The following CSMD1 variants were observed in gnomAD, a reference collection of about 807,000 sequenced individuals.
CSMD1 encodes CUB and Sushi multiple domains 1.
A neutral mutation model predicts 417.5 loss-of-function variants in CSMD1; 213 were observed. The observed-to-expected ratio is 0.51, with a 90% CI of 0.46 to 0.57. The LOEUF (loss-of-function observed/expected upper bound fraction) is 0.57. Among genes scored for constraint, CSMD1 ranks in the 20% least tolerant of loss-of-function variants. The pLI is 0.00. For missense variants in CSMD1, 6,923 were observed against 4,529.7 expected, an observed-to-expected ratio of 1.53 and a Z score of -15.17; for synonymous variants, 2,862 against 1,736.8, an observed-to-expected ratio of 1.65 and a Z score of -16.11.
intron 12 of CSMD1, among the ~76,000 whole-genome samples, chr8:3,421,775 C>A (rs530476296): frequency 1.3e-5 from 2 of 152,196 alleles, no homozygotes; most frequent in Non-Finnish European, 2.9e-5. Context: ...GTAGCTGGGA[C>A]TGCAGGTGCA....
At chr8:3,421,830 G>C (rs186542807) in intron 12 of CSMD1, among the ~76,000 whole-genome samples, 354 of 152,112 alleles carry the variant, frequency 2.3e-3, no homozygotes, top group African/African-American at 7.7e-3. Flanking sequence ...TACAGACAGG[G>C]TTTCACCATA....
At chr8:4,921,534 AT>A (rs1159812217) in intron 1 of CSMD1, among the ~76,000 whole-genome samples, 3 of 152,194 alleles carry the variant, frequency 2.0e-5, no homozygotes, top group Non-Finnish European at 4.4e-5. Context: ...AGTTGGTAAA[AT>A]GGCACTTTAA....
chr8:4,727,351 A>G lies in CSMD1; in HGVS notation c.86-89793T>C, dbSNP rs187896368. Among the ~76,000 whole-genome samples, 16 of 152,346 alleles carry G rather than the reference A, an allele frequency of 1.1e-4. No individual in the cohort carries two copies. The East Asian group carries it at 3.1e-3, about 29-fold the overall frequency. On this transcript the variant is annotated intron_variant, in intron 1 of 69. Coordinates refer to ENST00000635120, the MANE Select transcript of CSMD1 (RefSeq NM_033225.6). ...CCATGAACAAAGACCATGAAATAAA[A>G]TGTTCACAAAAACACTAATGCTCTC...
chr8:3,142,543 T>G lies in CSMD1; in HGVS notation c.6163A>C (p.Ser2055Arg), dbSNP rs1383997359. 3 of 1,614,012 alleles carry G rather than the reference T, an allele frequency of 1.9e-6. No homozygotes were observed. Among genetic ancestry groups the G allele is most frequent in the Non-Finnish European group, 2.5e-6 (3 of 1,179,910 alleles). Residue 2055 changes from serine to arginine, a missense_variant, in exon 41 of 70, where the codon AGC (serine) becomes CGC (arginine). Ser to Arg is a moderately radical substitution (Grantham distance 110, BLOSUM62 -1). Coordinates refer to ENST00000635120, the MANE Select transcript of CSMD1 (RefSeq NM_033225.6). ...TGGATGAGGGTTTCATGCGTTGTGCTCAGCAGGGCCGCGGGGAGATCCGTG... is the reference window on the plus strand; with the variant it reads ...TGGATGAGGGTTTCATGCGTTGTGCGCAGCAGGGCCGCGGGGAGATCCGTG... ...SGTDLPAALL[S>R]TTHETLIHFY...
chr8:3,869,747 T>C lies in CSMD1; in HGVS notation c.819-115705A>G, dbSNP rs565468471. Among the ~76,000 whole-genome samples, 24 of 152,142 alleles carry C rather than the reference T, an allele frequency of 1.6e-4. No homozygotes were observed. The East Asian group carries it at 4.5e-3, about 28-fold the overall frequency. ...GCAGGACCCACCCCAGCAGAAGCACTAGCAGGCAACACGGGGCCAGGGGTT... is the reference window on the plus strand; with the variant it reads ...GCAGGACCCACCCCAGCAGAAGCACCAGCAGGCAACACGGGGCCAGGGGTT... On this transcript the variant is annotated intron_variant, in intron 5 of 69. Transcript: ENST00000635120.
At chr8:3,302,803 G>C (rs555463168) in intron 25 of CSMD1, among the ~76,000 whole-genome samples, 2 of 152,196 alleles carry the variant, frequency 1.3e-5, no homozygotes, top group Non-Finnish European at 2.9e-5. Flanking sequence ...TACCATGGCA[G>C]CTGAAATGTG....
chr8:4,319,519 A>G (rs1287864173), intron 3 of CSMD1, among the ~76,000 whole-genome samples: 1 of 152,052 alleles, frequency 6.6e-6, no homozygotes, highest in Non-Finnish European at 1.5e-5. Flanking sequence ...AGCAGAAAAT[A>G]AACAAACAAA....
chr8:4,463,607 C>A (rs1799974009), intron 2 of CSMD1, among the ~76,000 whole-genome samples: 3 of 152,256 alleles, frequency 2.0e-5, no homozygotes, highest in Admixed American at 6.5e-5. Context: ...ATTCCACAAC[C>A]TGACAAACCT....
At chr8:3,341,500 G>A (rs543495207) in intron 23 of CSMD1, among the ~76,000 whole-genome samples, 1 of 152,306 alleles carries the variant, frequency 6.6e-6, no homozygotes, top group South Asian at 2.1e-4. Context: ...GAAACGTAAT[G>A]AGAAATAACA....
At chr8:3,841,924 T>G (rs1054409953) in intron 5 of CSMD1, among the ~76,000 whole-genome samples, 7 of 152,096 alleles carry the variant, frequency 4.6e-5, no homozygotes, top group African/African-American at 1.7e-4. Context: ...GATCTTCCCC[T>G]AGCTGATCCT....
chr8:3,992,517 G>A (rs1814834907), intron 5 of CSMD1, among the ~76,000 whole-genome samples: 1 of 152,200 alleles, frequency 6.6e-6, no homozygotes, highest in Non-Finnish European at 1.5e-5. Context: ...GGCTGTTGTG[G>A]CTCATGCCTG....
chr8:4,097,159 G>C (rs17068953), intron 3 of CSMD1, among the ~76,000 whole-genome samples: 2 of 151,920 alleles, frequency 1.3e-5, no homozygotes, highest in African/African-American at 2.4e-5. Context: ...TTTCTGTCAT[G>C]CTTACCATTA....
intron 2 of CSMD1, among the ~76,000 whole-genome samples, chr8:4,545,139 A>T (rs545266746): frequency 6.6e-6 from 1 of 152,348 alleles, no homozygotes; most frequent in Admixed American, 6.5e-5. Context: ...CAGGTTTTAA[A>T]GTGAAACAGA....
intron 29 of CSMD1, 62 bp from the exon 30 acceptor site, chr8:3,214,753 G>A (rs1181390402): frequency 4.1e-5 from 56 of 1,355,612 alleles, no homozygotes; most frequent in Non-Finnish European, 5.3e-5. Context: ...TTGTGTTTTT[G>A]TTTGTTGGGT....
At chr8:3,944,246 G>C (rs888515665) in intron 5 of CSMD1, among the ~76,000 whole-genome samples, 3 of 152,080 alleles carry the variant, frequency 2.0e-5, no homozygotes, top group Non-Finnish European at 2.9e-5. Flanking sequence ...GTTTTTAAAA[G>C]GTGTCTCCTT....
chr8:4,511,596 C>G (rs1257221348), intron 2 of CSMD1, among the ~76,000 whole-genome samples: 1 of 152,016 alleles, frequency 6.6e-6, no homozygotes, highest in Non-Finnish European at 1.5e-5. Context: ...TTGCTGCTCC[C>G]AAGATTGGAG....
At chr8:3,776,005 T>C in intron 5 of CSMD1, among the ~76,000 whole-genome samples, 1 of 152,172 alleles carries the variant, frequency 6.6e-6, no homozygotes, top group South Asian at 2.1e-4. Flanking sequence ...CAGACCCTGA[T>C]CCAAATTTCC....
intron 3 of CSMD1, among the ~76,000 whole-genome samples, chr8:4,307,164 G>T (rs1274379441): frequency 1.3e-5 from 2 of 152,050 alleles, no homozygotes; most frequent in Admixed American, 1.3e-4. Context: ...CTCATCTTCA[G>T]CACAGGCTCC....
chr8:4,264,134 T>C (rs1334873962), intron 3 of CSMD1, among the ~76,000 whole-genome samples: 2 of 152,160 alleles, frequency 1.3e-5, no homozygotes, highest in Admixed American at 1.3e-4. Flanking sequence ...AGGTAAAGAA[T>C]ACAACACCTA....
Sources: gnomAD v4.1 joint callset for allele counts (sites outside exome capture counted in the v4.1 genomes callset) on GRCh38, gnomAD v4.1.1 for gene constraint, MANE v1.5 for transcripts, NCBI Gene and HGNC (gene_info 2026-07-23, HGNC 2026-07-21) for gene names.